PAN3: variants seen among roughly 807,000 people sequenced by gnomAD.
The protein encoded by PAN3 is PAN2-PAN3 deadenylation complex subunit PAN3.
PAN3 carries 19 observed loss-of-function variants against 96.2 expected under a neutral mutation model. The observed-to-expected ratio is 0.20, with a 90% CI of 0.14 to 0.29. The LOEUF (loss-of-function observed/expected upper bound fraction) is 0.29. PAN3 is among the 10% of genes least tolerant of loss of function. The pLI is 1.00. For missense variants in PAN3, 882 were observed against 1,108.1 expected, an observed-to-expected ratio of 0.80 and a Z score of 2.90; for synonymous variants, 433 against 406.6, an observed-to-expected ratio of 1.06 and a Z score of -0.78.
chr13:28,200,774 A>G (rs1385463812), intron 5 of PAN3, among the ~76,000 whole-genome samples: 2 of 152,178 alleles, frequency 1.3e-5, no homozygotes, highest in African/African-American at 2.4e-5. Context: ...GCTGTTTGAG[A>G]TATTGATAAG....
At chr13:28,197,959 T>A (rs76693627) in intron 5 of PAN3, among the ~76,000 whole-genome samples, 1 of 152,242 alleles carries the variant, frequency 6.6e-6, no homozygotes, top group Non-Finnish European at 1.5e-5. Flanking sequence ...CAAGAGTTAT[T>A]CAGGATAGGA....
At chr13:28,148,068 G>C (rs1032389061) in intron 1 of PAN3, among the ~76,000 whole-genome samples, 1 of 151,766 alleles carries the variant, frequency 6.6e-6, no homozygotes, top group African/African-American at 2.4e-5. Flanking sequence ...CGATTCTTCT[G>C]CCTCAGCCTC....
rs1304149836 is a variant in PAN3, at chr13:28,295,213, C to G, written c.*2691C>G. 6.6e-6 allele frequency: 1 copy of G among 152,138 alleles called. No individual in the cohort carries two copies. The highest frequency in any genetic ancestry group is 1.9e-4 in the East Asian group (1 of 5,204). The allele number at this position is 152,138 out of a possible 1,614,324, so 9.4% of individuals were successfully genotyped here. ...TCTGTGATTTGGATGTCAACAACTT[C>G]CCTAAAAAGCACCAGTGTGTTAGGT... On this transcript the variant is annotated 3_prime_UTR_variant, in exon 19 of 19. Transcript: ENST00000380958.
chr13:28,272,011 T>C lies in PAN3; in HGVS notation c.1989T>C (p.Asp663=). The stretch of plus-strand genomic sequence containing the variant: ...GAGTAAATTGTGTTGGAGTTTTTGA[T>C]GTTTTAACATTTGATAACAGTCAAA... ...RLRVNCVGVF[D]VLTFDNSQNN... Residue 663 remains aspartate (D), a synonymous_variant, in exon 14 of 19, where the codon GAT becomes GAC. Transcript: ENST00000380958. 3 of 1,591,012 alleles carry C rather than the reference T, an allele frequency of 1.9e-6. No individual in the cohort carries two copies. Among genetic ancestry groups the C allele is most frequent in the South Asian group, 1.1e-5 (1 of 87,798 alleles).
At chr13:28,270,894 T>C in intron 13 of PAN3, 28 bp downstream of exon 13, 1 of 1,602,290 alleles carries the variant, frequency 6.2e-7, no homozygotes, top group Non-Finnish European at 8.5e-7. Flanking sequence ...TTTGGTTTCT[T>C]TTATTGAGCG....
In PAN3 at chr13:28,223,176, G is replaced by A. The variant is rs529138892; in HGVS notation, c.1000+2798G>A. Among the ~76,000 whole-genome samples the A allele has an allele frequency of 3.9e-5, 6 of 152,236 alleles. No individual in the cohort carries two copies. The South Asian group carries it at 1.2e-3, about 32-fold the overall frequency. The stretch of plus-strand genomic sequence containing the variant: ...AAAATAAGTCATGTTTTTGGTATAT[G>A]TCTCAATGTAAGAAATAAAACTTTA... On this transcript the variant is annotated intron_variant, in intron 6 of 18. Coordinates refer to ENST00000380958, the MANE Select transcript of PAN3 (RefSeq NM_175854.8).
At chr13:28,237,899 T>G (rs1456082512) in intron 6 of PAN3, among the ~76,000 whole-genome samples, 1 of 152,170 alleles carries the variant, frequency 6.6e-6, no homozygotes, top group Non-Finnish European at 1.5e-5. Context: ...AGAGAGAGGC[T>G]TTACCTTGAG....
chr13:28,259,001 G>A (rs905202185), intron 7 of PAN3, among the ~76,000 whole-genome samples: 17 of 152,048 alleles, frequency 1.1e-4, no homozygotes, highest in Non-Finnish European at 2.9e-5. Context: ...ATGGTTGGTC[G>A]AATCCTTGAA....
intron 9 of PAN3, among the ~76,000 whole-genome samples, chr13:28,266,333 A>T (rs977611313): frequency 6.6e-6 from 1 of 152,192 alleles, no homozygotes; most frequent in African/African-American, 2.4e-5. Context: ...ACATGATGGT[A>T]TTTGAAGCAT....
rs897510961 is a variant in PAN3, at chr13:28,139,068, C to A, written c.411C>A (p.Leu137=). 48 of 1,267,262 alleles carry A rather than the reference C, an allele frequency of 3.8e-5. No individual in the cohort carries two copies. In the South Asian group the frequency reaches 6.0e-4, roughly 16 times the overall value. 78.5% of individuals were successfully genotyped at this position (1,267,262 alleles called of 1,614,324 possible). Residue 137 remains leucine, a synonymous_variant, in exon 1 of 19, where the codon CTC becomes CTA. Coordinates refer to ENST00000380958, the MANE Select transcript of PAN3 (RefSeq NM_175854.8). ...AAGGGGSSGG[L]DGPRLAIPGM... is the part of the protein sequence containing the mutation. Reference sequence around the variant, plus strand: ...GCGGAGGAGGCAGTAGCGGGGGACTCGATGGACCGCGGCTGGCAAGTGAGT... The same window carrying A: ...GCGGAGGAGGCAGTAGCGGGGGACTAGATGGACCGCGGCTGGCAAGTGAGT...
chr13:28,266,624 G>C, intron 9 of PAN3, 91 bp from the exon 10 acceptor site: 1 of 988,628 alleles, frequency 1.0e-6, no homozygotes, highest in Non-Finnish European at 1.4e-6. Context: ...GATACACAAG[G>C]GGTTTATAGT....
intron 14 of PAN3, among the ~76,000 whole-genome samples, chr13:28,276,044 G>A (rs1431587883): frequency 6.6e-6 from 1 of 152,108 alleles, no homozygotes; most frequent in Admixed American, 6.6e-5. Flanking sequence ...ACTAATGATT[G>A]CCTTAAAGTT....
chr13:28,168,555 C>T (rs1358613320), intron 1 of PAN3, among the ~76,000 whole-genome samples: 1 of 151,994 alleles, frequency 6.6e-6, no homozygotes, highest in Non-Finnish European at 1.5e-5. Flanking sequence ...TTTGTCTATA[C>T]TAAAAATACA....
At chr13:28,166,425 T>G (rs2138056238) in intron 1 of PAN3, among the ~76,000 whole-genome samples, 1 of 152,334 alleles carries the variant, frequency 6.6e-6, no homozygotes, top group African/African-American at 2.4e-5. Context: ...GGGTGGGTCC[T>G]GAAGGCTTCA....
intron 5 of PAN3, chr13:28,215,707 C>T (rs1880663813): frequency 2.0e-6 from 3 of 1,492,100 alleles, no homozygotes; most frequent in Admixed American, 3.9e-5. Context: ...GGTGATGCCG[C>T]CATTGTTGAT....
At chr13:28,233,760 T>C (rs895880043) in intron 6 of PAN3, among the ~76,000 whole-genome samples, 2 of 152,232 alleles carry the variant, frequency 1.3e-5, no homozygotes, top group African/African-American at 2.4e-5. Context: ...ATAATTTCAC[T>C]GGCAAATATC....
chr13:28,184,895 A>G (rs1262146465), intron 4 of PAN3, among the ~76,000 whole-genome samples: 2 of 152,126 alleles, frequency 1.3e-5, no homozygotes, highest in Admixed American at 6.6e-5. Flanking sequence ...CACATGTTAC[A>G]GTTTCCCTCC....
intron 3 of PAN3, among the ~76,000 whole-genome samples, chr13:28,177,609 T>C (rs535869743): frequency 6.6e-5 from 10 of 152,300 alleles, no homozygotes; most frequent in South Asian, 2.1e-4. Context: ...GAGGTTTTTT[T>C]CTCTTATTTG....
chr13:28,220,249 A>G lies in PAN3; in HGVS notation c.871A>G (p.Ser291Gly), dbSNP rs761929971. ...NNLQTPNPTA[S>G]EFIPKGGSTS... Reference sequence around the variant, plus strand: ...TAAATAGACACCAAATCCTACTGCAAGCGAGTTTATTCCTAAAGGAGGATC... The same window carrying G: ...TAAATAGACACCAAATCCTACTGCAGGCGAGTTTATTCCTAAAGGAGGATC... The change falls in exon 6 of 19, where the codon AGC becomes GGC. Residue 291 changes from serine to glycine, a missense_variant. This residue lies in a region of PAN3 where 442 missense variants were observed against 422.8 expected (regional missense o/e 1.05). Transcript: ENST00000380958. The G allele has an allele frequency of 4.3e-6, 7 of 1,613,066 alleles. No individual in the cohort carries two copies. Among genetic ancestry groups the G allele is most frequent in the South Asian group, 3.3e-5 (3 of 90,928 alleles).
Sources: gnomAD v4.1 joint callset for allele counts (sites outside exome capture counted in the v4.1 genomes callset) on GRCh38, gnomAD v4.1.1 for gene constraint, gnomAD v4.1.1 regional missense constraint, MANE v1.5 for transcripts, NCBI Gene and HGNC (gene_info 2026-07-23, HGNC 2026-07-21) for gene names.